The following TMEM117 variants were observed in gnomAD, a reference collection of about 807,000 sequenced individuals.
The protein encoded by TMEM117 is transmembrane protein 117.
Under a neutral mutation model 52.4 loss-of-function variants are expected in TMEM117, and 27 were observed. The observed-to-expected ratio is 0.51, with a 90% CI of 0.38 to 0.71. The LOEUF is 0.71. Ranked by LOEUF, TMEM117 falls within the 30% of genes least tolerant of loss-of-function variation. TMEM117 has a pLI of 0.00. For missense variants in TMEM117, 556 were observed against 630.5 expected (o/e 0.88, Z 1.26); for synonymous variants, 215 against 206.3 (o/e 1.04, Z -0.36).
intron 2 of TMEM117, among the ~76,000 whole-genome samples, chr12:43,874,261 G>A (rs754554870): frequency 1.3e-5 from 2 of 151,986 alleles, no homozygotes; most frequent in African/African-American, 2.4e-5. Context: ...TCATTTCATG[G>A]GTAAGAGGTC....
rs141053040 is a variant in TMEM117, at chr12:44,017,280, G to T, written c.410+72938G>T. ...TAGGTGATAAATAATTGAAAGTAAA[G>T]GTTGGCATCACTATGCCATATCAAG... On this transcript the variant is annotated intron_variant, in intron 3 of 7. Transcript: ENST00000266534. 1.5e-3 allele frequency among the ~76,000 whole-genome samples: 210 copies of T among 135,592 alleles called. 3 individuals carry two copies. The East Asian group carries it at 0.024, about 16-fold the overall frequency. The allele number at this position is 135,592 out of a possible 152,430, so 89.0% of individuals were successfully genotyped here. A position where few individuals can be genotyped will look rare whatever the true frequency, so the allele number is the denominator to read the frequency against.
intron 5 of TMEM117, chr12:44,248,313 G>C (rs1950156019): frequency 6.6e-6 from 1 of 152,330 alleles, no homozygotes; most frequent in Non-Finnish European, 1.5e-5. Flanking sequence ...TTGGCTAATT[G>C]ACCGATCTGT....
chr12:44,163,106 T>G (rs922020134), intron 4 of TMEM117, among the ~76,000 whole-genome samples: 1 of 152,224 alleles, frequency 6.6e-6, no homozygotes, highest in Non-Finnish European at 1.5e-5. Flanking sequence ...AGAGATGACT[T>G]GCTGCAAAGC....
At chr12:43,928,710 C>T (rs1944822473) in intron 2 of TMEM117, among the ~76,000 whole-genome samples, 1 of 150,354 alleles carries the variant, frequency 6.7e-6, no homozygotes, top group African/African-American at 2.4e-5. Context: ...CGTCATCTAG[C>T]ATTAGGTATA....
intron 3 of TMEM117, among the ~76,000 whole-genome samples, chr12:44,042,822 C>T (rs996531697): frequency 1.3e-5 from 2 of 149,060 alleles, no homozygotes; most frequent in Non-Finnish European, 1.5e-5. Context: ...ATTAGTTCTG[C>T]CCCTCTAGGG....
intron 6 of TMEM117, among the ~76,000 whole-genome samples, chr12:44,318,961 G>T (rs534556075): frequency 1.8e-4 from 28 of 152,208 alleles, no homozygotes; most frequent in Non-Finnish European, 3.4e-4. Context: ...GCCATTTCCA[G>T]GTGGCCAAGC....
At chr12:43,915,910 CT>C in intron 2 of TMEM117, among the ~76,000 whole-genome samples, 1 of 152,150 alleles carries the variant, frequency 6.6e-6, no homozygotes, top group Admixed American at 6.6e-5. Flanking sequence ...GGTATTACAG[CT>C]TCAGCACCCC....
At chr12:43,875,353 A>C (rs991030690) in intron 2 of TMEM117, among the ~76,000 whole-genome samples, 1 of 152,060 alleles carries the variant, frequency 6.6e-6, no homozygotes, top group Non-Finnish European at 1.5e-5. Flanking sequence ...CCAGTAGCTG[A>C]ATGTCACTAT....
chr12:44,303,469 C>A (rs962209823), intron 6 of TMEM117, among the ~76,000 whole-genome samples: 3 of 151,948 alleles, frequency 2.0e-5, no homozygotes, highest in African/African-American at 7.3e-5. Flanking sequence ...GAAAGTAAAT[C>A]ATTAATTTTT....
chr12:44,241,408 T>G (rs538540807), intron 5 of TMEM117, among the ~76,000 whole-genome samples: 1 of 152,030 alleles, frequency 6.6e-6, no homozygotes, highest in Admixed American at 6.6e-5. Context: ...AGTGATTCCT[T>G]GTTGTTTTAA....
chr12:43,810,243 C>T, the TMEM117 span, among the ~76,000 whole-genome samples: 1 of 152,188 alleles, frequency 6.6e-6, no homozygotes, highest in Non-Finnish European at 1.5e-5. Flanking sequence ...TTCTCATTAT[C>T]TCTAACATGT....
intron 4 of TMEM117, among the ~76,000 whole-genome samples, chr12:44,178,538 C>T (rs567647827): frequency 3.9e-5 from 6 of 152,230 alleles, no homozygotes; most frequent in South Asian, 2.1e-4. Flanking sequence ...TCAGCATTCC[C>T]GCTAGGTGGG....
the TMEM117 span, among the ~76,000 whole-genome samples, chr12:43,805,258 GAGTCAAT>G: frequency 1.3e-5 from 2 of 152,162 alleles, no homozygotes; most frequent in South Asian, 4.1e-4. Flanking sequence ...TCAAGCATGA[GAGTCAAT>G]AACTACATAT....
At chr12:43,802,802 T>A in the TMEM117 span, among the ~76,000 whole-genome samples, 1 of 152,136 alleles carries the variant, frequency 6.6e-6, no homozygotes, top group South Asian at 2.1e-4. Context: ...TGAGCTTAAG[T>A]TATCAACAAA....
intron 5 of TMEM117, among the ~76,000 whole-genome samples, chr12:44,296,008 A>AGC (rs1363504272): frequency 6.6e-6 from 1 of 152,204 alleles, no homozygotes; most frequent in Non-Finnish European, 1.5e-5. Context: ...TAGGGTTCCC[A>AGC]GCCTGCTAGG....
chr12:44,266,145 A>G (rs976055025), intron 5 of TMEM117, among the ~76,000 whole-genome samples: 3 of 152,184 alleles, frequency 2.0e-5, no homozygotes, highest in African/African-American at 7.2e-5. Context: ...TGGTAAACCT[A>G]TAACATTTTG....
intron 2 of TMEM117, 71 bp downstream of exon 2, chr12:43,844,999 C>G (rs1943177851): frequency 1.3e-6 from 2 of 1,526,856 alleles, no homozygotes; most frequent in South Asian, 1.3e-5. Context: ...TACAACTTTG[C>G]TATTTCTAAG....
chr12:44,189,036 C>T (rs1949317203), intron 4 of TMEM117, among the ~76,000 whole-genome samples: 1 of 152,032 alleles, frequency 6.6e-6, no homozygotes, highest in African/African-American at 2.4e-5. Flanking sequence ...TATATACCAC[C>T]TTAAATATTT....
intron 2 of TMEM117, among the ~76,000 whole-genome samples, chr12:43,856,643 A>G (rs1943405147): frequency 6.6e-6 from 1 of 152,172 alleles, no homozygotes; most frequent in Admixed American, 6.5e-5. Context: ...GGCTTCTTTC[A>G]TTCAGCATAA....
Sources: gnomAD v4.1 joint callset for allele counts (sites outside exome capture counted in the v4.1 genomes callset) on GRCh38, gnomAD v4.1.1 for gene constraint, MANE v1.5 for transcripts, NCBI Gene and HGNC (gene_info 2026-07-23, HGNC 2026-07-21) for gene names.